The following FBXL7 variants were observed in gnomAD, a reference collection of about 807,000 sequenced individuals.
The protein encoded by FBXL7 is F-box/LRR-repeat protein 7.
A neutral mutation model predicts 38.3 loss-of-function variants in FBXL7; 12 were observed. The observed-to-expected ratio is 0.31, with a 90% CI of 0.20 to 0.51. The LOEUF (loss-of-function observed/expected upper bound fraction) is 0.51, where lower values mean the gene tolerates loss of function less well. Ranked by LOEUF, FBXL7 falls within the 20% of genes least tolerant of loss-of-function variation. The pLI is 0.98. For synonymous variants in FBXL7, 297 were observed against 300.9 expected, an observed-to-expected ratio of 0.99 and a Z score of 0.13; for missense variants, 567 against 676.4, an observed-to-expected ratio of 0.84 and a Z score of 1.79.
chr5:15,575,112 A>C (rs1738914623), intron 1 of FBXL7, among the ~76,000 whole-genome samples: 4 of 152,138 alleles, frequency 2.6e-5, no homozygotes, highest in Admixed American at 2.6e-4. Context: ...CCTAAAATAC[A>C]CAGGACAGCA....
chr5:15,617,656 C>A (rs2126521667), intron 2 of FBXL7, among the ~76,000 whole-genome samples: 1 of 152,266 alleles, frequency 6.6e-6, no homozygotes, highest in South Asian at 2.1e-4. Context: ...CCAGGCTGGT[C>A]TCAAACTCCT....
At chr5:15,742,839 G>T (rs1440700994) in intron 2 of FBXL7, among the ~76,000 whole-genome samples, 1 of 152,164 alleles carries the variant, frequency 6.6e-6, no homozygotes, top group Non-Finnish European at 1.5e-5. Context: ...AGTGGCCTCA[G>T]GATACTTACA....
chr5:15,755,588 TG>T (rs1736277179), intron 2 of FBXL7, among the ~76,000 whole-genome samples: 1 of 150,990 alleles, frequency 6.6e-6, no homozygotes, highest in South Asian at 2.1e-4. Flanking sequence ...ATATTTTGCT[TG>T]GGCAACAAAG....
At chr5:15,828,975 A>T (rs1410507712) in intron 2 of FBXL7, among the ~76,000 whole-genome samples, 1 of 152,198 alleles carries the variant, frequency 6.6e-6, no homozygotes, top group African/African-American at 2.4e-5. Flanking sequence ...GGCATTTTTA[A>T]TTAAATAGCT....
At chr5:15,864,308 T>G (rs376778991) in intron 2 of FBXL7, among the ~76,000 whole-genome samples, 4 of 152,310 alleles carry the variant, frequency 2.6e-5, no homozygotes, top group East Asian at 1.9e-4. Context: ...AAGACACCAT[T>G]TCTAGAAGCC....
chr5:15,930,706 T>G (rs1442276800), intron 3 of FBXL7, among the ~76,000 whole-genome samples: 2 of 152,192 alleles, frequency 1.3e-5, no homozygotes, highest in Non-Finnish European at 2.9e-5. Flanking sequence ...GTGATCTGTA[T>G]ACATAGAGAT....
chr5:15,715,489 C>CAAAAA (rs1157372026), intron 2 of FBXL7, among the ~76,000 whole-genome samples: 3 of 75,260 alleles, frequency 4.0e-5, no homozygotes, highest in African/African-American at 1.2e-4. Flanking sequence ...GACTCCGTCT[C>CAAAAA]AAAAAAAAAA....
At position 15,818,037 on chromosome 5, in the gene FBXL7, A is replaced by C. The variant is rs192102597; in HGVS notation, c.128-109853A>C. ...ATTGCTGTCATTCTTCATCTCCAGTACAAGATGAATTTTGACCCATATGTA... is the reference window on the plus strand; with the variant it reads ...ATTGCTGTCATTCTTCATCTCCAGTCCAAGATGAATTTTGACCCATATGTA... On this transcript the variant is annotated intron_variant, in intron 2 of 3. Transcript: ENST00000504595. 2.0e-5 allele frequency among the ~76,000 whole-genome samples: 3 copies of C among 152,294 alleles called. No homozygotes were observed. In the East Asian group the frequency reaches 5.8e-4, roughly 29 times the overall value.
intron 2 of FBXL7, among the ~76,000 whole-genome samples, chr5:15,806,755 G>A (rs1281580206): frequency 6.6e-6 from 1 of 152,128 alleles, no homozygotes; most frequent in Admixed American, 6.6e-5. Context: ...GAGACAGGGG[G>A]CCCACGTATA....
At chr5:15,884,962 C>A (rs1053216232) in intron 2 of FBXL7, among the ~76,000 whole-genome samples, 1 of 152,176 alleles carries the variant, frequency 6.6e-6, no homozygotes, top group Non-Finnish European at 1.5e-5. Flanking sequence ...CTATCTACTG[C>A]TAGATAACAA....
chr5:15,525,105 A>G (rs1028273049), intron 1 of FBXL7, among the ~76,000 whole-genome samples: 2 of 152,192 alleles, frequency 1.3e-5, no homozygotes, highest in African/African-American at 4.8e-5. Flanking sequence ...CAGTTTCCCC[A>G]TCTTTAAAAT....
At chr5:15,766,403 A>T (rs1240463243) in intron 2 of FBXL7, among the ~76,000 whole-genome samples, 3 of 152,248 alleles carry the variant, frequency 2.0e-5, no homozygotes, top group Non-Finnish European at 4.4e-5. Context: ...ATCCGTAGAC[A>T]GGGATTCTTA....
chr5:15,619,823 G>A (rs545668994), intron 2 of FBXL7, among the ~76,000 whole-genome samples: 1 of 152,312 alleles, frequency 6.6e-6, no homozygotes, highest in South Asian at 2.1e-4. Flanking sequence ...GGGATGGATA[G>A]GGAGGGTTCA....
intron 2 of FBXL7, among the ~76,000 whole-genome samples, chr5:15,917,690 GAAGGAAGA>G (rs1200262148): frequency 3.4e-5 from 5 of 147,838 alleles, no homozygotes; most frequent in African/African-American, 1.3e-4. Flanking sequence ...AGGAAGGAAG[GAAGGAAGA>G]AAGAAAGGAA....
In FBXL7 at chr5:15,574,779, T is replaced by C. The variant is rs539647273; in HGVS notation, c.38-41204T>C. The stretch of plus-strand genomic sequence containing the variant: ...CTGGTAGCTACCAACCTTAGGTCAT[T>C]TGCTTTAAATGAAATACTAGTGCTT... On this transcript the variant is annotated intron_variant, in intron 1 of 3. Transcript: ENST00000504595. Among the ~76,000 whole-genome samples the C allele has an allele frequency of 2.6e-5, 4 of 152,266 alleles. No homozygotes were observed. In the East Asian group the frequency reaches 7.7e-4, roughly 29 times the overall value.
chr5:15,546,073 G>A (rs2126414944), intron 1 of FBXL7, among the ~76,000 whole-genome samples: 1 of 152,218 alleles, frequency 6.6e-6, no homozygotes, highest in Non-Finnish European at 1.5e-5. Context: ...TAAAATTATA[G>A]CATGCATGTG....
At chr5:15,891,357 G>A (rs920410596) in intron 2 of FBXL7, among the ~76,000 whole-genome samples, 3 of 152,126 alleles carry the variant, frequency 2.0e-5, no homozygotes, top group African/African-American at 7.2e-5. Context: ...AATAGTTTCT[G>A]TGTCTATTAG....
chr5:15,690,970 A>C (rs1239949015), intron 2 of FBXL7, among the ~76,000 whole-genome samples: 1 of 152,208 alleles, frequency 6.6e-6, no homozygotes, highest in Non-Finnish European at 1.5e-5. Context: ...TGGCACTCTA[A>C]GTTAAGGGAA....
intron 2 of FBXL7, among the ~76,000 whole-genome samples, chr5:15,919,017 TC>T (rs1741673182): frequency 6.6e-6 from 1 of 152,218 alleles, no homozygotes; most frequent in African/African-American, 2.4e-5. Flanking sequence ...AAACGATCGC[TC>T]AGATTGTGTT....
Sources: gnomAD v4.1 joint callset for allele counts (sites outside exome capture counted in the v4.1 genomes callset) on GRCh38, gnomAD v4.1.1 for gene constraint, MANE v1.5 for transcripts, NCBI Gene and HGNC (gene_info 2026-07-23, HGNC 2026-07-21) for gene names.